The following AFAP1 variants were observed in gnomAD, a reference collection of about 807,000 sequenced individuals.
AFAP1 encodes the protein actin filament associated protein 1.
AFAP1 carries 75 observed loss-of-function variants against 93.9 expected under a neutral mutation model. The ratio of observed to expected loss-of-function variants is 0.80; its 90% CI spans 0.66 to 0.97. The LOEUF is 0.97. AFAP1 is among the 50% of genes least tolerant of loss of function. AFAP1 has a pLI of 0.00. For missense variants in AFAP1, 1,201 were observed against 1,050.8 expected (o/e 1.14, Z -1.98); for synonymous variants, 517 against 430.7 (o/e 1.20, Z -2.48).
At chr4:7,915,122 G>C (rs572803054) in intron 1 of AFAP1, among the ~76,000 whole-genome samples, 4 of 152,188 alleles carry the variant, frequency 2.6e-5, no homozygotes, top group Non-Finnish European at 4.4e-5. Context: ...GACATCCGGT[G>C]ATCTGCCCGC....
chr4:7,813,341 C>T (rs56329712), intron 8 of AFAP1, among the ~76,000 whole-genome samples: 31,543 of 152,166 alleles, frequency 0.21, 4,254 homozygotes, highest in Non-Finnish European at 0.31. Flanking sequence ...GCGTCTGCTA[C>T]ATGCAAAGCA....
chr4:7,883,868 CA>C (rs1200456251), intron 1 of AFAP1, among the ~76,000 whole-genome samples: 3 of 152,120 alleles, frequency 2.0e-5, no homozygotes, highest in South Asian at 2.1e-4. Flanking sequence ...AACTTAACAT[CA>C]AAAAGATGTC....
chr4:7,790,020 T>C (rs544398869), intron 11 of AFAP1, among the ~76,000 whole-genome samples: 7 of 152,378 alleles, frequency 4.6e-5, no homozygotes, highest in Admixed American at 2.6e-4. Context: ...TACACTTTCC[T>C]CTTTTCAAAA....
chr4:7,770,491 G>T (rs1263366177), intron 16 of AFAP1, among the ~76,000 whole-genome samples: 2 of 152,196 alleles, frequency 1.3e-5, no homozygotes, highest in African/African-American at 4.8e-5. Flanking sequence ...TGCAAGCATG[G>T]ACAACTGCTT....
At chr4:7,870,004 T>G (rs1716886654) in intron 2 of AFAP1, among the ~76,000 whole-genome samples, 1 of 152,086 alleles carries the variant, frequency 6.6e-6, no homozygotes, top group African/African-American at 2.4e-5. Flanking sequence ...AGACAGGAAA[T>G]CAGGGGAAAG....
At chr4:7,796,528 T>C (rs182297574) in intron 10 of AFAP1, among the ~76,000 whole-genome samples, 2 of 151,582 alleles carry the variant, frequency 1.3e-5, no homozygotes, top group African/African-American at 2.4e-5. Flanking sequence ...GGCGGGCGGA[T>C]CATGAGGTCA....
At chr4:7,802,025 T>C (rs1165306193) in intron 9 of AFAP1, among the ~76,000 whole-genome samples, 4 of 137,576 alleles carry the variant, frequency 2.9e-5, no homozygotes, top group Admixed American at 7.8e-5. Flanking sequence ...CACACCTTAT[T>C]AGCAATTGAT....
intron 1 of AFAP1, among the ~76,000 whole-genome samples, chr4:7,903,286 A>G (rs904875944): frequency 1.3e-5 from 2 of 152,250 alleles, no homozygotes; most frequent in African/African-American, 2.4e-5. Context: ...AGCAAAAAGT[A>G]TGTTAAAGAG....
chr4:7,786,567 C>A (rs545234173), intron 11 of AFAP1, among the ~76,000 whole-genome samples: 1 of 152,104 alleles, frequency 6.6e-6, no homozygotes, highest in Admixed American at 6.5e-5. Flanking sequence ...CGCAGCAAAG[C>A]CTGCAAATAA....
intron 17 of AFAP1, among the ~76,000 whole-genome samples, chr4:7,764,452 T>G (rs1268909487): frequency 6.6e-6 from 1 of 151,942 alleles, no homozygotes; most frequent in Admixed American, 6.6e-5. Context: ...TTTGGGAAGA[T>G]GAGAAAGTTC....
intron 11 of AFAP1, 86 bp downstream of exon 11, chr4:7,793,595 T>C: frequency 5.3e-6 from 7 of 1,325,940 alleles, no homozygotes; most frequent in South Asian, 2.3e-5. Context: ...TGGGTCTATA[T>C]CCTCACACAA....
intron 6 of AFAP1, among the ~76,000 whole-genome samples, chr4:7,833,568 T>C (rs969838388): frequency 1.3e-5 from 2 of 148,490 alleles, no homozygotes; most frequent in Non-Finnish European, 3.0e-5. Context: ...ACAACCACTA[T>C]GGAAAACAGT....
At chr4:7,794,153 G>C (rs1345624300) in intron 10 of AFAP1, among the ~76,000 whole-genome samples, 1 of 152,164 alleles carries the variant, frequency 6.6e-6, no homozygotes, top group Non-Finnish European at 1.5e-5. Flanking sequence ...AGTTGCTGGG[G>C]TGCCTTTGGC....
At chr4:7,875,651 G>A (rs1290769573) in intron 1 of AFAP1, among the ~76,000 whole-genome samples, 8 of 151,250 alleles carry the variant, frequency 5.3e-5, no homozygotes, top group Non-Finnish European at 1.2e-4. Flanking sequence ...GGGCGGGACG[G>A]GGGGCTGATA....
At chr4:7,911,323 T>G (rs983891038) in intron 1 of AFAP1, among the ~76,000 whole-genome samples, 11 of 152,304 alleles carry the variant, frequency 7.2e-5, no homozygotes, top group African/African-American at 2.4e-4. Flanking sequence ...AGGGTCCTCT[T>G]GGGCCTTTCT....
chr4:7,891,211 G>T (rs750301526), intron 1 of AFAP1, among the ~76,000 whole-genome samples: 3 of 152,228 alleles, frequency 2.0e-5, no homozygotes, highest in Non-Finnish European at 2.9e-5. Flanking sequence ...TGAAATTCTA[G>T]AACTGGCAAA....
rs1016862793 is a variant in AFAP1 at position 7,939,571 on chromosome 4, T to C, written c.-3+85A>G. The C allele has an allele frequency of 3.9e-5, 15 of 386,070 alleles. No individual in the cohort carries two copies. The highest frequency in any genetic ancestry group is 2.5e-4 in the African/African-American group (11 of 44,644). 23.9% of individuals were successfully genotyped at this position (386,070 alleles called of 1,614,324 possible). A position where few individuals can be genotyped will look rare whatever the true frequency, so the allele number is the denominator to read the frequency against. On this transcript the variant is annotated intron_variant, in intron 1 of 17. Coordinates refer to ENST00000420658, the MANE Select transcript of AFAP1 (RefSeq NM_001134647.2). The surrounding 1 kb of genome is among the most constrained non-coding windows in gnomAD (Gnocchi z 5.6). ...GCCCAGGCGCACGGACCCCGGACCCTGCGGAGCCCCGCTCGGAGCTTCCAC... is the reference window on the plus strand; with the variant it reads ...GCCCAGGCGCACGGACCCCGGACCCCGCGGAGCCCCGCTCGGAGCTTCCAC...
rs769877822 is a variant in AFAP1, at chr4:7,778,890, CAT to C, written c.1783-16_1783-15del. 1 of 1,516,806 alleles carries C rather than the reference CAT, an allele frequency of 6.6e-7. No individual in the cohort carries two copies. The highest frequency in any genetic ancestry group is 1.4e-5 in the African/African-American group (1 of 71,832). The allele number at this position is 1,516,806 out of a possible 1,614,324, so 94.0% of individuals were successfully genotyped here. ...TTTACCCTTGAGCTGTTGAAATAAA[CAT>C]ATAAGAACATTAAAAATAAACACAA... On this transcript the variant is annotated splice_polypyrimidine_tract_variant and intron_variant, in intron 13 of 17. Coordinates refer to ENST00000420658, the MANE Select transcript of AFAP1 (RefSeq NM_001134647.2).
At chr4:7,868,399 C>T (rs2149175318) in intron 3 of AFAP1, among the ~76,000 whole-genome samples, 1 of 152,240 alleles carries the variant, frequency 6.6e-6, no homozygotes, top group South Asian at 2.1e-4. Flanking sequence ...TGGTGTGAGG[C>T]AGTGCAAAGA....
Sources: gnomAD v4.1 joint callset for allele counts (sites outside exome capture counted in the v4.1 genomes callset) on GRCh38, gnomAD v4.1.1 for gene constraint, Gnocchi (gnomAD v3.1) non-coding constraint, MANE v1.5 for transcripts, NCBI Gene and HGNC (gene_info 2026-07-23, HGNC 2026-07-21) for gene names.